The following MAML3 variants were observed in gnomAD, a reference collection of about 807,000 sequenced individuals.
The protein encoded by MAML3 is mastermind-like protein 3.
MAML3 carries 27 observed loss-of-function variants against 101.9 expected under a neutral mutation model. The ratio of observed to expected loss-of-function variants is 0.27; its 90% confidence interval spans 0.20 to 0.37. MAML3 has a LOEUF of 0.37. MAML3 is among the 10% of genes least tolerant of loss of function. MAML3 has a pLI of 1.00. For missense variants in MAML3, 1,316 were observed against 1,444.9 expected (o/e 0.91, Z 1.45); for synonymous variants, 501 against 555.9 (o/e 0.90, Z 1.39).
intron 1 of MAML3, chr4:140,132,975 A>G (rs1163901380): frequency 1.2e-5 from 4 of 347,470 alleles, no homozygotes; most frequent in Non-Finnish European, 1.7e-5. Flanking sequence ...AGTTTATTAC[A>G]AAATGTGAGT....
intron 1 of MAML3, among the ~76,000 whole-genome samples, chr4:140,104,420 A>T (rs375213263): frequency 1.3e-3 from 46 of 36,276 alleles, no homozygotes; most frequent in Non-Finnish European, 1.7e-3. Context: ...TATAATATAT[A>T]ATATACACGA....
At chr4:139,750,746 C>T (rs1729475617) in intron 2 of MAML3, among the ~76,000 whole-genome samples, 1 of 152,148 alleles carries the variant, frequency 6.6e-6, no homozygotes, top group Non-Finnish European at 1.5e-5. Context: ...TCCTAAGGCA[C>T]TCTATTTTGA....
chr4:139,861,190 C>A (rs1473624275), intron 2 of MAML3, among the ~76,000 whole-genome samples: 2 of 152,104 alleles, frequency 1.3e-5, no homozygotes, highest in African/African-American at 4.8e-5. Flanking sequence ...GCCCAGCTGT[C>A]TTCATACCTC....
At chr4:139,960,131 C>G (rs1045169239) in intron 1 of MAML3, among the ~76,000 whole-genome samples, 5 of 152,074 alleles carry the variant, frequency 3.3e-5, no homozygotes, top group Non-Finnish European at 5.9e-5. Context: ...AGGTATGGAG[C>G]TGGGTTTTAC....
intron 1 of MAML3, among the ~76,000 whole-genome samples, chr4:139,927,535 C>T (rs1203134014): frequency 6.6e-6 from 1 of 152,198 alleles, no homozygotes; most frequent in Non-Finnish European, 1.5e-5. Context: ...ACAGTTATTT[C>T]CCCAATGGTG....
intron 2 of MAML3, among the ~76,000 whole-genome samples, chr4:139,880,185 A>G (rs1732191649): frequency 6.6e-6 from 1 of 152,056 alleles, no homozygotes; most frequent in Middle Eastern, 3.2e-3. Flanking sequence ...AATTGAAAAA[A>G]AAAAAACAAA....
At position 139,881,204 on chromosome 4, in the gene MAML3, A is replaced by G. The variant is rs377087189; in HGVS notation, c.2079+8153T>C. ...ACCAGATACCCTCCCTCAGACAAGAAGAAGGCGGGTGGATTACTCTGCAGA... is the reference window on the plus strand; with the variant it reads ...ACCAGATACCCTCCCTCAGACAAGAGGAAGGCGGGTGGATTACTCTGCAGA... On this transcript the variant is annotated intron_variant, in intron 2 of 4. Transcript: ENST00000509479. 1.1e-4 allele frequency among the ~76,000 whole-genome samples: 17 copies of G among 152,302 alleles called. No homozygotes were observed. The East Asian group carries it at 3.1e-3, about 28-fold the overall frequency.
intron 1 of MAML3, among the ~76,000 whole-genome samples, chr4:140,098,413 G>A (rs1331540565): frequency 1.3e-5 from 2 of 152,284 alleles, no homozygotes; most frequent in East Asian, 3.9e-4. Flanking sequence ...GCTGGCACAT[G>A]GCATTCAAGC....
chr4:139,857,970 G>C (rs1271800858), intron 2 of MAML3, among the ~76,000 whole-genome samples: 1 of 152,186 alleles, frequency 6.6e-6, no homozygotes, highest in Non-Finnish European at 1.5e-5. Flanking sequence ...TCTGACGAGT[G>C]CAGTCACAGT....
chr4:140,132,996 A>T, intron 1 of MAML3: 2 of 391,968 alleles, frequency 5.1e-6, no homozygotes, highest in Non-Finnish European at 1.0e-5. Flanking sequence ...GCTGACTATA[A>T]GTACTATCAA....
At chr4:140,072,546 T>C (rs970318152) in intron 1 of MAML3, among the ~76,000 whole-genome samples, 1 of 152,048 alleles carries the variant, frequency 6.6e-6, no homozygotes, top group African/African-American at 2.4e-5. Flanking sequence ...GGCGCGTGCC[T>C]GTAATCCCAG....
Position 139,758,076 on chromosome 4 carries a change from G to A in MAML3, c.2080-27409C>T, listed in dbSNP as rs570622094. Among the ~76,000 whole-genome samples, 499 of 152,324 alleles carry A rather than the reference G, an allele frequency of 3.3e-3. 7 individuals carry two copies. In the South Asian group the frequency reaches 0.038, roughly 12 times the overall value. On this transcript the variant is annotated intron_variant, in intron 2 of 4. Coordinates refer to ENST00000509479, the MANE Select transcript of MAML3 (RefSeq NM_018717.5). ...TCTTTGTATTCACTCGCCTCTTGCA[G>A]TGCCTATCATACAGTTAGGACCTAA...
At chr4:139,769,622 CTT>C (rs113328444) in intron 2 of MAML3, among the ~76,000 whole-genome samples, 7 of 145,520 alleles carry the variant, frequency 4.8e-5, no homozygotes, top group Admixed American at 6.9e-5. Flanking sequence ...AGTTCTTTTT[CTT>C]TTTTTTTTTT....
In MAML3 at chr4:139,834,573, G is replaced by C. The variant is rs1303731485; in HGVS notation, c.2079+54784C>G. 2.6e-5 allele frequency among the ~76,000 whole-genome samples: 4 copies of C among 152,236 alleles called. 1 individual carries two copies. The highest frequency in any genetic ancestry group is 2.0e-4 in the Admixed American group (3 of 15,284). ...TCAGTAGGTCTGGGCTAGGGCCTGA[G>C]CTTTGCATTTCTAACAAGTTCCAAA... is the stretch of plus-strand genomic sequence containing the variant. On this transcript the variant is annotated intron_variant, in intron 2 of 4. Coordinates refer to ENST00000509479, the MANE Select transcript of MAML3 (RefSeq NM_018717.5).
chr4:139,733,063 C>A (rs1230371912), intron 2 of MAML3, among the ~76,000 whole-genome samples: 1 of 152,174 alleles, frequency 6.6e-6, no homozygotes, highest in East Asian at 1.9e-4. Context: ...CAAATATTTG[C>A]TACCTGTTTT....
At chr4:140,018,400 A>G (rs567056499) in intron 1 of MAML3, among the ~76,000 whole-genome samples, 2 of 152,348 alleles carry the variant, frequency 1.3e-5, no homozygotes, top group Admixed American at 6.5e-5. Flanking sequence ...GTGAAAGAGC[A>G]AATGTTTTAA....
rs371807475 is a variant in MAML3 at position 139,830,229 on chromosome 4, CAAGAGGTTAAGTGG to C, written c.2079+59114_2079+59127del. 9.8e-4 allele frequency among the ~76,000 whole-genome samples: 149 copies of C among 152,226 alleles called. 1 individual carries two copies. Among genetic ancestry groups the C allele is most frequent in the African/African-American group, 3.5e-3 (146 of 41,526 alleles). ...TTTTGGAGGAGACTCCTGCTCTTGG[CAAGAGGTTAAGTGG>C]AGGACCTTGACAGTCCTTTCTCCCC... On this transcript the variant is annotated intron_variant, in intron 2 of 4. Coordinates refer to ENST00000509479, the MANE Select transcript of MAML3 (RefSeq NM_018717.5).
chr4:139,746,169 T>C (rs571682842), intron 2 of MAML3, among the ~76,000 whole-genome samples: 6 of 152,250 alleles, frequency 3.9e-5, no homozygotes, highest in Non-Finnish European at 8.8e-5. Context: ...CTCGGTCTTA[T>C]TGCTAAATCT....
intron 1 of MAML3, among the ~76,000 whole-genome samples, chr4:140,149,810 G>A (rs567826646): frequency 1.3e-5 from 2 of 152,128 alleles, no homozygotes; most frequent in African/African-American, 2.4e-5. Context: ...GAAGAGCAAC[G>A]TTTTCTTTAC....
Sources: allele counts gnomAD v4.1 joint callset (sites outside exome capture counted in the v4.1 genomes callset), GRCh38; gene constraint gnomAD v4.1.1; transcripts MANE v1.5; gene names NCBI Gene and HGNC (gene_info 2026-07-23, HGNC 2026-07-21).